ARHGEF18: variants seen among roughly 807,000 people sequenced by gnomAD.
ARHGEF18 encodes the protein Rho/Rac guanine nucleotide exchange factor 18.
A neutral mutation model predicts 155.7 loss-of-function variants in ARHGEF18; 93 were observed. The ratio of observed to expected loss-of-function variants is 0.60; its 90% CI spans 0.50 to 0.71. The LOEUF (loss-of-function observed/expected upper bound fraction) is 0.71, where lower values mean the gene tolerates loss of function less well. ARHGEF18 is among the 30% of genes least tolerant of loss of function. ARHGEF18 has a pLI of 0.00. For synonymous variants in ARHGEF18, 742 were observed against 753.1 expected (o/e 0.99, Z 0.24); for missense variants, 1,593 against 1,816.1 (o/e 0.88, Z 2.23).
rs11672306 is a variant in ARHGEF18, at chr19:7,373,471, T to G, written c.275+400T>G. Among the ~76,000 whole-genome samples the G allele has an allele frequency of 3.5e-3, 242 of 68,602 alleles. 2 individuals are homozygous for G. Among genetic ancestry groups the G allele is most frequent in the South Asian group, 5.4e-3 (15 of 2,784 alleles). 45.0% of individuals were successfully genotyped at this position (68,602 alleles called of 152,430 possible). A position where few individuals can be genotyped will look rare whatever the true frequency, so the allele number is the denominator to read the frequency against. ...CTCTTGTTTTTGTGTTTGTTTTTTTTTTTTTGTTTTTGTTTTTTTTTTGAG... is the reference window on the plus strand; with the variant it reads ...CTCTTGTTTTTGTGTTTGTTTTTTTGTTTTTGTTTTTGTTTTTTTTTTGAG... On this transcript the variant is annotated intron_variant, in intron 3 of 28. Transcript: ENST00000668164.
chr19:7,431,403 G>A (rs958837046), intron 10 of ARHGEF18, among the ~76,000 whole-genome samples: 7 of 149,564 alleles, frequency 4.7e-5, no homozygotes, highest in Non-Finnish European at 8.9e-5. Flanking sequence ...CATAATCCCA[G>A]CTACTCAGGA....
downstream of ARHGEF18, among the ~76,000 whole-genome samples, chr19:7,474,129 C>T (rs563909146): frequency 2.6e-5 from 4 of 151,554 alleles, no homozygotes; most frequent in Non-Finnish European, 4.4e-5. Context: ...ACCTGAGGTC[C>T]GGAGTTTGAG....
chr19:7,466,826 A>AAAAGTT (rs1976642936), intron 23 of ARHGEF18, 92 bp from the exon 24 acceptor site: 1 of 1,056,358 alleles, frequency 9.5e-7, no homozygotes, highest in Non-Finnish European at 1.4e-6. Context: ...AAAAAAAAAA[A>AAAAGTT]GTTAAAAAAA....
rs372068716 is a variant in ARHGEF18, at chr19:7,470,738, G to A, written c.*440G>A. On this transcript the variant is annotated 3_prime_UTR_variant, in exon 29 of 29. Transcript: ENST00000668164. The surrounding 1 kb of genome is among the most constrained non-coding windows in gnomAD (Gnocchi z 5.9). ...CCGGCCGGGGCCACGCTCCACAGCC[G>A]CCGCGCGACAGTGGAGCCAAGGGTT... 10 of 400,684 alleles carry A rather than the reference G, an allele frequency of 2.5e-5. No individual in the cohort carries two copies. Among genetic ancestry groups the A allele is most frequent in the East Asian group, 1.8e-4 (5 of 28,068 alleles). The allele number at this position is 400,684 out of a possible 1,614,324, so 24.8% of individuals were successfully genotyped here. A position where few individuals can be genotyped will look rare whatever the true frequency, so the allele number is the denominator to read the frequency against.
At chr19:7,418,961 G>T (rs993981741) in intron 10 of ARHGEF18, among the ~76,000 whole-genome samples, 14 of 151,830 alleles carry the variant, frequency 9.2e-5, no homozygotes, top group Non-Finnish European at 1.8e-4. Context: ...TGCATTGCAG[G>T]TGTGTCTGCT....
intron 10 of ARHGEF18, among the ~76,000 whole-genome samples, chr19:7,403,550 TTTC>T (rs947392623): frequency 5.6e-5 from 7 of 123,926 alleles, no homozygotes; most frequent in South Asian, 2.1e-4. Flanking sequence ...TCTTTCTTTC[TTTC>T]TTTTTTTTTT....
At chr19:7,358,211 ATCCT>A (rs1226581809) in intron 1 of ARHGEF18, among the ~76,000 whole-genome samples, 7 of 141,516 alleles carry the variant, frequency 4.9e-5, no homozygotes, top group African/African-American at 2.1e-4. Flanking sequence ...TCAACCATCC[ATCCT>A]TCCATCCATC....
chr19:7,470,237 T>C lies in ARHGEF18; in HGVS notation c.4025T>C (p.Leu1342Pro), dbSNP rs1568371082. ...CCCGGGCCCCCAGCTCCCTCGCCACTGCCGGCCACACCACTCAGCGCCAAG... is the reference window on the plus strand; with the variant it reads ...CCCGGGCCCCCAGCTCCCTCGCCACCGCCGGCCACACCACTCAGCGCCAAG... ...LLPGPPAPSPLPATPLSAKED... is the reference protein window; with the variant it reads ...LLPGPPAPSPPPATPLSAKED... The change falls in exon 29 of 29, where the codon CTG becomes CCG. Residue 1342 changes from leucine (L) to proline (P), a missense_variant. By Grantham distance (98) the Leu-to-Pro change is moderately conservative. Coordinates refer to ENST00000668164, the MANE Select transcript of ARHGEF18 (RefSeq NM_001367823.1). This position sits in a 1 kb window ranked among gnomAD's most constrained non-coding sequence, Gnocchi z 5.9. 1 of 1,607,254 alleles carries C rather than the reference T, an allele frequency of 6.2e-7. No homozygotes were observed. Among genetic ancestry groups the C allele is most frequent in the Non-Finnish European group, 8.5e-7 (1 of 1,177,800 alleles).
intron 27 of ARHGEF18, among the ~76,000 whole-genome samples, chr19:7,469,656 T>C (rs553086163): frequency 6.6e-6 from 1 of 152,284 alleles, no homozygotes; most frequent in East Asian, 1.9e-4. Context: ...GGGCCTGTGC[T>C]ATTTCCACAG....
At chr19:7,367,431 C>CT (rs1424013457) in intron 2 of ARHGEF18, among the ~76,000 whole-genome samples, 16 of 151,952 alleles carry the variant, frequency 1.1e-4, no homozygotes, top group African/African-American at 3.9e-4. Context: ...TAACAAGACT[C>CT]TGTCTCTACA....
Position 7,463,757 on chromosome 19 carries a change from C to T in ARHGEF18, c.2636-61C>T, listed in dbSNP as rs541789394. 1.2e-3 allele frequency: 1,846 copies of T among 1,510,542 alleles called. 1 individual carries two copies. Among genetic ancestry groups the T allele is most frequent in the Non-Finnish European group, 1.5e-3 (1,715 of 1,125,042 alleles). 93.6% of individuals were successfully genotyped at this position (1,510,542 alleles called of 1,614,324 possible). ...CCCGGGTCTCGCTGCCCCAGCGCTC[C>T]GTATTCCCCCAGCACACTTCCGCAG... On this transcript the variant is annotated intron_variant, in intron 21 of 28. Transcript: ENST00000668164. The surrounding 1 kb of genome is among the most constrained non-coding windows in gnomAD (Gnocchi z 5.2).
At chr19:7,439,919 A>T (rs1225131017) in intron 10 of ARHGEF18, 1 of 1,476,734 alleles carries the variant, frequency 6.8e-7, no homozygotes, top group East Asian at 2.5e-5. Context: ...CAAAGCAGCA[A>T]ATACTGCAAT....
chr19:7,366,678 G>A (rs1395362569), intron 2 of ARHGEF18, among the ~76,000 whole-genome samples: 2 of 152,216 alleles, frequency 1.3e-5, no homozygotes, highest in African/African-American at 2.4e-5. Flanking sequence ...ATGAGGACAG[G>A]GGAGACTGTG....
At chr19:7,473,688 T>G (rs565315128), downstream of ARHGEF18, among the ~76,000 whole-genome samples, 218 of 151,648 alleles carry the variant, frequency 1.4e-3, no homozygotes, top group African/African-American at 5.1e-3. Context: ...CGGGCGCCTG[T>G]AGTCCCAGCT....
At chr19:7,360,371 A>G (rs1969495827) in intron 1 of ARHGEF18, among the ~76,000 whole-genome samples, 1 of 151,942 alleles carries the variant, frequency 6.6e-6, no homozygotes. Flanking sequence ...TAGTAGCTGG[A>G]ATTATAAGCA....
At position 7,444,346 on chromosome 19, in the gene ARHGEF18, G is replaced by A. The variant is rs749492800; in HGVS notation, c.1503G>A (p.Thr501=). The change falls in exon 14 of 29, where the codon ACG becomes ACA. Residue 501 remains threonine (T), a synonymous_variant. Coordinates refer to ENST00000668164, the MANE Select transcript of ARHGEF18 (RefSeq NM_001367823.1). This position sits in a 1 kb window ranked among gnomAD's most constrained non-coding sequence, Gnocchi z 4.7. ...CATGCGCTGACGACCTGCTGGAGAC[G>A]CACAGCCACTTCCTCGCTCGGCTCA... ...LFPCADDLLE[T]HSHFLARLKE... 22 of 1,613,466 alleles carry A rather than the reference G, an allele frequency of 1.4e-5. 1 individual carries two copies. The highest frequency in any genetic ancestry group is 1.7e-5 in the Non-Finnish European group (20 of 1,180,028).
chr19:7,425,325 A>G (rs1052087719), intron 10 of ARHGEF18, among the ~76,000 whole-genome samples: 9 of 152,258 alleles, frequency 5.9e-5, no homozygotes, highest in African/African-American at 2.2e-4. Flanking sequence ...TTCTACATCA[A>G]TGGAAAAAAG....
chr19:7,362,022 GGA>G (rs1969588010), intron 1 of ARHGEF18, among the ~76,000 whole-genome samples: 2 of 35,338 alleles, frequency 5.7e-5, no homozygotes, highest in Non-Finnish European at 1.0e-4. Flanking sequence ...AGAAGGAGAA[GGA>G]GAAGGAGAAG....
At chr19:7,382,532 T>A (rs1970798871) in intron 8 of ARHGEF18, among the ~76,000 whole-genome samples, 1 of 152,094 alleles carries the variant, frequency 6.6e-6, no homozygotes, top group Non-Finnish European at 1.5e-5. Flanking sequence ...TTGAGGGACC[T>A]CAAACCTGAG....
Sources: allele counts gnomAD v4.1 joint callset (sites outside exome capture counted in the v4.1 genomes callset), GRCh38; gene constraint gnomAD v4.1.1; non-coding constraint Gnocchi (gnomAD v3.1); transcripts MANE v1.5; gene names NCBI Gene and HGNC (gene_info 2026-07-23, HGNC 2026-07-21).